GPR135: variants seen among roughly 807,000 people sequenced by gnomAD.
The protein encoded by GPR135 is G-protein coupled receptor 135.
Under a neutral mutation model 15.0 loss-of-function variants are expected in GPR135, and 17 were observed. That is an observed-to-expected ratio of 1.13 (90% CI 0.78 to 1.70). The LOEUF (loss-of-function observed/expected upper bound fraction) is 1.70, where lower values mean the gene tolerates loss of function less well. Ranked by LOEUF, GPR135 falls within the 40% of genes most tolerant of loss-of-function variation. GPR135 has a pLI of 0.00. For synonymous variants in GPR135, 368 were observed against 349.4 expected (o/e 1.05, Z -0.59); for missense variants, 776 against 727.0 (o/e 1.07, Z -0.78).
At position 59,464,473 on chromosome 14, in the gene GPR135, C is replaced by G. The variant is rs1889022727; in HGVS notation, c.754G>C (p.Glu252Gln). ...LPWELLGAPRELAAAQSFHGC... is the reference protein window; with the variant it reads ...LPWELLGAPRQLAAAQSFHGC... Reference sequence around the variant, plus strand: ...TGGAAGCTCTGCGCCGCCGCGAGTTCCCGGGGCGCCCCGAGCAGCTCCCAG... The same window carrying G: ...TGGAAGCTCTGCGCCGCCGCGAGTTGCCGGGGCGCCCCGAGCAGCTCCCAG... Residue 252 changes from glutamate to glutamine, a missense_variant, in exon 1 of 1, where the codon GAA (glutamate) becomes CAA (glutamine). Coordinates refer to ENST00000395116, the MANE Select transcript of GPR135 (RefSeq NM_022571.6). The G allele has an allele frequency of 5.8e-6, 9 of 1,543,644 alleles. No individual in the cohort carries two copies. The highest frequency in any genetic ancestry group is 7.8e-6 in the Non-Finnish European group (9 of 1,149,978).
downstream of GPR135, chr14:59,456,457 T>C (rs532750786): frequency 8.5e-5 from 13 of 152,334 alleles, no homozygotes; most frequent in East Asian, 3.9e-4. Context: ...TAACCCACGA[T>C]GTAAATAGTC....
chr14:59,464,346 C>T lies in GPR135; in HGVS notation c.881G>A (p.Cys294Tyr), dbSNP rs371387408. 1.3e-4 allele frequency: 206 copies of T among 1,609,356 alleles called. 1 individual carries two copies. Among genetic ancestry groups the T allele is most frequent in the South Asian group, 4.6e-4 (42 of 90,692 alleles). Residue 294 changes from cysteine to tyrosine, a missense_variant, in exon 1 of 1, where the codon TGC (cysteine) becomes TAC (tyrosine). Coordinates refer to ENST00000395116, the MANE Select transcript of GPR135 (RefSeq NM_022571.6). The stretch of plus-strand genomic sequence containing the variant: ...CTTGCAGATGTGGTAGTGGCAGAAG[C>T]ACATGAGCAGGAAGGGCAGCAGGTA... ...ACYLLPFLLM[C>Y]FCHYHICKTV... is the part of the protein sequence containing the mutation.
At position 59,465,367 on chromosome 14, in the gene GPR135, C is replaced by T. The variant is rs1889128633; in HGVS notation, c.-141G>A. On this transcript the variant is annotated 5_prime_UTR_variant, in exon 1 of 1. Transcript: ENST00000395116. ...CGGAGGGGTGGCGGTCGCTGGGGAC[C>T]TGGCGGAGCCTTTGACGTGGGTTCC... The T allele has an allele frequency of 1.8e-6, 1 of 545,458 alleles. No homozygotes were observed. The highest frequency in any genetic ancestry group is 3.7e-5 in the East Asian group (1 of 26,956). 33.8% of individuals were successfully genotyped at this position (545,458 alleles called of 1,614,324 possible).
Position 59,464,758 on chromosome 14 carries a change from G to T in GPR135, c.469C>A (p.Leu157Met), listed in dbSNP as rs746593355. ...AAGAGGTCCAGGAAGGCGGCGGGCA[G>T]GCAGAGCAGCGCCGTGAGCAGATCC... ...LSDLLTALLC[L>M]PAAFLDLFTP... Residue 157 changes from leucine (L) to methionine (M), a missense_variant, in exon 1 of 1, where the codon CTG becomes ATG. Transcript: ENST00000395116. 8 of 1,568,370 alleles carry T rather than the reference G, an allele frequency of 5.1e-6. No homozygotes were observed. The South Asian group carries it at 9.3e-5, about 18-fold the overall frequency.
downstream of GPR135, among the ~76,000 whole-genome samples, chr14:59,456,824 A>G (rs1431200294): frequency 6.6e-6 from 1 of 152,236 alleles, no homozygotes; most frequent in Non-Finnish European, 1.5e-5. Context: ...TAGAAAAAGA[A>G]TAACTTTGAA....
chr14:59,464,306 C>G lies in GPR135; in HGVS notation c.921G>C (p.Ser307=), dbSNP rs1275972505. The part of the protein sequence containing the change: ...HYHICKTVRL[S]DVRVRPVNTY... ...TGTTCACCGGCCGCACGCGCACGTC[C>G]GACAGGCGCACCGTCTTGCAGATGT... is the stretch of plus-strand genomic sequence containing the variant. The change falls in exon 1 of 1, where the codon TCG becomes TCC. Residue 307 remains serine (S), a synonymous_variant. Coordinates refer to ENST00000395116, the MANE Select transcript of GPR135 (RefSeq NM_022571.6). The G allele has an allele frequency of 6.2e-7, 1 of 1,611,644 alleles. No individual in the cohort carries two copies. Among genetic ancestry groups the G allele is most frequent in the East Asian group, 2.2e-5 (1 of 44,848 alleles).
At chr14:59,455,320 GA>G (rs1670094391) in intron 6 of GPR135, among the ~76,000 whole-genome samples, 1 of 152,168 alleles carries the variant, frequency 6.6e-6, no homozygotes, top group African/African-American at 2.4e-5. Flanking sequence ...CAAGACCTCA[GA>G]GTAGAAAACT....
chr14:59,454,956 C>T (rs909405790), intron 6 of GPR135, among the ~76,000 whole-genome samples: 3 of 151,992 alleles, frequency 2.0e-5, no homozygotes, highest in East Asian at 1.9e-4. Context: ...AAAAATTAGC[C>T]GGGCCTGGTG....
In GPR135 at chr14:59,464,369, G is replaced by A. The variant is rs748612594; in HGVS notation, c.858C>T (p.Tyr286=). ...AGCACATGAGCAGGAAGGGCAGCAG[G>A]TAGCAGGCCACCACCAGCCCCACGC... ...AFSVGLVVAC[Y]LLPFLLMCFC... is the part of the protein sequence containing the mutation. Residue 286 remains tyrosine, a synonymous_variant, in exon 1 of 1, where the codon TAC becomes TAT. Transcript: ENST00000395116. 2 of 1,606,990 alleles carry A rather than the reference G, an allele frequency of 1.2e-6. No individual in the cohort carries two copies. Among genetic ancestry groups the A allele is most frequent in the South Asian group, 2.2e-5 (2 of 90,302 alleles).
Position 59,463,813 on chromosome 14 carries a change from C to T in GPR135, c.1414G>A (p.Glu472Lys), listed in dbSNP as rs765874799. 4 of 1,614,152 alleles carry T rather than the reference C, an allele frequency of 2.5e-6. No individual in the cohort carries two copies. The South Asian group carries it at 4.4e-5, about 18-fold the overall frequency. ...RKNPVVLFCR[E>K]GPPEPVTAVT... ...GCCGTCACCGGCTCTGGTGGTCCCT[C>T]TCGGCAGAAAAGTACAACTGGATTT... The change falls in exon 1 of 1, where the codon GAG (glutamate) becomes AAG (lysine). Residue 472 changes from glutamate to lysine, a missense_variant. Coordinates refer to ENST00000395116, the MANE Select transcript of GPR135 (RefSeq NM_022571.6).
chr14:59,464,289 G>A lies in GPR135; in HGVS notation c.938C>T (p.Pro313Leu), dbSNP rs1889001823. ...CAGCACGCGCGCGTAGGTGTTCACC[G>A]GCCGCACGCGCACGTCCGACAGGCG... ...TVRLSDVRVR[P>L]VNTYARVLRF... is the part of the protein sequence containing the mutation. The change falls in exon 1 of 1, where the codon CCG becomes CTG. Residue 313 changes from proline to leucine, a missense_variant. By Grantham distance (98) the Pro-to-Leu change is moderately conservative. Coordinates refer to ENST00000395116, the MANE Select transcript of GPR135 (RefSeq NM_022571.6). 1 of 1,611,956 alleles carries A rather than the reference G, an allele frequency of 6.2e-7. No individual in the cohort carries two copies. Among genetic ancestry groups the A allele is most frequent in the Middle Eastern group, 1.7e-4 (1 of 6,060 alleles).
Position 59,464,210 on chromosome 14 carries a change from G to A in GPR135, c.1017C>T (p.Phe339=), listed in dbSNP as rs76693284. 1,237 of 1,611,064 alleles carry A rather than the reference G, an allele frequency of 7.7e-4. 5 individuals carry two copies. The African/African-American group carries it at 0.013, about 17-fold the overall frequency. The part of the protein sequence containing the change: ...TATTVLIMIV[F]VICCWGPYCF... ...AGTAGGGCCCCCAGCAGCAGATGACGAAGACGATCATGATGAGGACGGTGG... is the reference window on the plus strand; with the variant it reads ...AGTAGGGCCCCCAGCAGCAGATGACAAAGACGATCATGATGAGGACGGTGG... The change falls in exon 1 of 1, where the codon TTC becomes TTT. Residue 339 remains phenylalanine, a synonymous_variant. Coordinates refer to ENST00000395116, the MANE Select transcript of GPR135 (RefSeq NM_022571.6).
In GPR135 at chr14:59,464,381, C is replaced by A; in HGVS notation, c.846G>T (p.Val282=). 1 of 1,604,682 alleles carries A rather than the reference C, an allele frequency of 6.2e-7. No individual in the cohort carries two copies. Among genetic ancestry groups the A allele is most frequent in the Non-Finnish European group, 8.5e-7 (1 of 1,176,370 alleles). ...QLGAAFSVGL[V]VACYLLPFLL... is the part of the protein sequence containing the mutation. ...GGAAGGGCAGCAGGTAGCAGGCCAC[C>A]ACCAGCCCCACGCTGAAGGCCGCGC... Residue 282 remains valine (V), a synonymous_variant, in exon 1 of 1, where the codon GTG becomes GTT. Coordinates refer to ENST00000395116, the MANE Select transcript of GPR135 (RefSeq NM_022571.6).
chr14:59,465,113 C>A lies in GPR135; in HGVS notation c.114G>T (p.Thr38=), dbSNP rs762036172. The A allele has an allele frequency of 1.2e-4, 171 of 1,383,074 alleles. No individual in the cohort carries two copies. The East Asian group carries it at 1.3e-3, about 10-fold the overall frequency. The allele number at this position is 1,383,074 out of a possible 1,614,324, so 85.7% of individuals were successfully genotyped here. The part of the protein sequence containing the change: ...GPPGGTSSAA[T]AAVLSFSTVA... ...CGGTGCTGAAGGAGAGCACGGCCGCCGTGGCCGCGGAGGAAGTCCCGCCAG... is the reference window on the plus strand; with the variant it reads ...CGGTGCTGAAGGAGAGCACGGCCGCAGTGGCCGCGGAGGAAGTCCCGCCAG... The change falls in exon 1 of 1, where the codon ACG becomes ACT. Residue 38 remains threonine (T), a synonymous_variant. Coordinates refer to ENST00000395116, the MANE Select transcript of GPR135 (RefSeq NM_022571.6).
At chr14:59,456,350 G>A (rs1888654423), downstream of GPR135, 2 of 152,218 alleles carry the variant, frequency 1.3e-5, no homozygotes, top group South Asian at 2.1e-4. Context: ...TATGTGTGGT[G>A]AAATCTGATA....
rs1457217413 is a variant in GPR135, at chr14:59,464,438, G to A, written c.789C>T (p.Leu263=). 1 of 1,569,376 alleles carries A rather than the reference G, an allele frequency of 6.4e-7. No homozygotes were observed. Among genetic ancestry groups the A allele is most frequent in the Non-Finnish European group, 8.6e-7 (1 of 1,160,506 alleles). The change falls in exon 1 of 1, where the codon CTC becomes CTT. Residue 263 remains leucine, a synonymous_variant. Transcript: ENST00000395116. ...GCGCGGGGTCCGGGGAGGTCCGGTA[G>A]AGGCAGCCGTGGAAGCTCTGCGCCG... ...LAAAQSFHGC[L]YRTSPDPAQL...
At position 59,465,192 on chromosome 14, in the gene GPR135, C is replaced by G; in HGVS notation, c.35G>C (p.Ser12Thr). 2 of 1,266,888 alleles carry G rather than the reference C, an allele frequency of 1.6e-6. No individual in the cohort carries two copies. The highest frequency in any genetic ancestry group is 2.0e-6 in the Non-Finnish European group (2 of 1,009,108). The allele number at this position is 1,266,888 out of a possible 1,614,324, so 78.5% of individuals were successfully genotyped here. A position where few individuals can be genotyped will look rare whatever the true frequency, so the allele number is the denominator to read the frequency against. Reference sequence around the variant, plus strand: ...GTGCTGGCTGCCCAGTAAGGCCATGCTCGCTGGTGGGCGGGGCGGCTGCGG... The same window carrying G: ...GTGCTGGCTGCCCAGTAAGGCCATGGTCGCTGGTGGGCGGGGCGGCTGCGG... ...EEPQPPRPPA[S>T]MALLGSQHSG... Residue 12 changes from serine (S) to threonine (T), a missense_variant, in exon 1 of 1, where the codon AGC becomes ACC. Physicochemically the swap from Ser to Thr is moderately conservative, Grantham distance 58 (BLOSUM62 1). Coordinates refer to ENST00000395116, the MANE Select transcript of GPR135 (RefSeq NM_022571.6).
Position 59,463,734 on chromosome 14 carries a change from C to A in GPR135, c.*8G>T, listed in dbSNP as rs1455450996. ...ATTTGCCTTCATAAGCTGGCCATTC[C>A]AACCGTCTTAGAGGCTGGTATCCCC... On this transcript the variant is annotated 3_prime_UTR_variant, in exon 1 of 1. Transcript: ENST00000395116. 6.4e-7 allele frequency: 1 copy of A among 1,556,526 alleles called. No homozygotes were observed.
chr14:59,456,885 A>G (rs1258258120), downstream of GPR135, among the ~76,000 whole-genome samples: 2 of 152,220 alleles, frequency 1.3e-5, no homozygotes, highest in Non-Finnish European at 2.9e-5. Flanking sequence ...AAAAAAATCA[A>G]TGTGTATATA....
Sources: allele counts gnomAD v4.1 joint callset (sites outside exome capture counted in the v4.1 genomes callset), GRCh38; gene constraint gnomAD v4.1.1; transcripts MANE v1.5; gene names NCBI Gene and HGNC (gene_info 2026-07-23, HGNC 2026-07-21).